Variants in FANCC observed in about 807,000 individuals in gnomAD.
The protein encoded by FANCC is FA complementation group C.
Under a neutral mutation model 71.3 loss-of-function variants are expected in FANCC, and 55 were observed. The ratio of observed to expected loss-of-function variants is 0.77; its 90% CI spans 0.62 to 0.97. The LOEUF (loss-of-function observed/expected upper bound fraction) is 0.97. Ranked by LOEUF, FANCC falls within the 50% of genes least tolerant of loss-of-function variation. The pLI is 0.00. For missense variants in FANCC, 678 were observed against 670.9 expected, an observed-to-expected ratio of 1.01 and a Z score of -0.12; for synonymous variants, 275 against 244.9, an observed-to-expected ratio of 1.12 and a Z score of -1.15.
chr9:95,151,337 A>C (rs912979022), intron 6 of FANCC, among the ~76,000 whole-genome samples: 3 of 152,030 alleles, frequency 2.0e-5, no homozygotes, highest in Admixed American at 2.0e-4. Context: ...GTGAATGATA[A>C]ATAAAATGAA....
At chr9:95,234,136 G>A (rs1224664012) in intron 4 of FANCC, among the ~76,000 whole-genome samples, 4 of 152,108 alleles carry the variant, frequency 2.6e-5, no homozygotes, top group African/African-American at 9.7e-5. Flanking sequence ...AAGAGAACTG[G>A]GAAATGGTAG....
intron 6 of FANCC, among the ~76,000 whole-genome samples, chr9:95,160,124 T>C (rs553203833): frequency 1.1e-4 from 16 of 152,360 alleles, no homozygotes; most frequent in African/African-American, 3.4e-4. Flanking sequence ...CTGAATGGTA[T>C]TGCCTAGATT....
At chr9:95,311,233 C>CAAAAAAA (rs10710492) in intron 1 of FANCC, among the ~76,000 whole-genome samples, 1 of 76,030 alleles carries the variant, frequency 1.3e-5, no homozygotes, top group African/African-American at 5.1e-5. Context: ...GATTCCGTCT[C>CAAAAAAA]AAAAAAAAAA....
chr9:95,306,504 C>T (rs1277731951), intron 1 of FANCC, among the ~76,000 whole-genome samples: 1 of 152,188 alleles, frequency 6.6e-6, no homozygotes, highest in East Asian at 1.9e-4. Flanking sequence ...CCTTGGACAT[C>T]GAACTACTGG....
chr9:95,247,508 A>G lies in FANCC; in HGVS notation c.174T>C (p.Asn58=). The change falls in exon 3 of 15, where the codon AAT becomes AAC. Residue 58 remains asparagine, a synonymous_variant. Transcript: ENST00000289081. ...TTGTGGGGAATCTTTCAATGACTGT[A>G]TTAGAATCCTGTGAAAGAAAAATAA... ...MYEALKEMDS[N]TVIERFPTIG... 1 of 1,612,518 alleles carries G rather than the reference A, an allele frequency of 6.2e-7. No homozygotes were observed. The highest frequency in any genetic ancestry group is 8.5e-7 in the Non-Finnish European group (1 of 1,178,704).
At chr9:95,155,295 G>A (rs1354989772) in intron 6 of FANCC, among the ~76,000 whole-genome samples, 2 of 77,732 alleles carry the variant, frequency 2.6e-5, no homozygotes, top group Non-Finnish European at 5.2e-5. Context: ...GGAAGGGGAC[G>A]GAAGGGGAGA....
At chr9:95,271,719 C>CA (rs1832732765) in intron 1 of FANCC, among the ~76,000 whole-genome samples, 1 of 147,654 alleles carries the variant, frequency 6.8e-6, no homozygotes. Context: ...TTACATCTTG[C>CA]TTTTTTTTTT....
intron 14 of FANCC, among the ~76,000 whole-genome samples, chr9:95,105,182 T>G (rs2071350068): frequency 6.6e-6 from 1 of 152,200 alleles, no homozygotes; most frequent in Admixed American, 6.5e-5. Flanking sequence ...AGGCACAGCC[T>G]GGGCCCACTC....
intron 1 of FANCC, among the ~76,000 whole-genome samples, chr9:95,281,005 A>G: frequency 6.6e-6 from 1 of 152,156 alleles, no homozygotes. Flanking sequence ...ATACGTAACT[A>G]AAGGTGAAAA....
At chr9:95,179,757 A>G (rs1196142160) in intron 4 of FANCC, among the ~76,000 whole-genome samples, 1 of 152,242 alleles carries the variant, frequency 6.6e-6, no homozygotes, top group African/African-American at 2.4e-5. Flanking sequence ...TATAAAAATA[A>G]AAAAATAAAG....
At chr9:95,281,711 A>C (rs570735049) in intron 1 of FANCC, among the ~76,000 whole-genome samples, 1 of 152,278 alleles carries the variant, frequency 6.6e-6, no homozygotes, top group East Asian at 1.9e-4. Context: ...ACAATTAAAA[A>C]TAATAGCTAC....
chr9:95,129,254 A>G (rs540299747), intron 8 of FANCC, among the ~76,000 whole-genome samples: 8 of 152,202 alleles, frequency 5.3e-5, no homozygotes, highest in African/African-American at 1.9e-4. Flanking sequence ...TTTTGAGCAC[A>G]TAATTTCAGG....
chr9:95,143,387 G>A (rs780798836), intron 7 of FANCC, among the ~76,000 whole-genome samples: 5 of 152,146 alleles, frequency 3.3e-5, no homozygotes, highest in Non-Finnish European at 7.3e-5. Flanking sequence ...GAACTCTGGG[G>A]GTCAGGTGTG....
chr9:95,126,303 G>A (rs1825967962), intron 9 of FANCC, among the ~76,000 whole-genome samples: 1 of 152,098 alleles, frequency 6.6e-6, no homozygotes, highest in African/African-American at 2.4e-5. Flanking sequence ...ATCTTAAAAG[G>A]CTAAAGAAAA....
intron 1 of FANCC, among the ~76,000 whole-genome samples, chr9:95,261,237 A>G (rs556714674): frequency 6.6e-6 from 1 of 152,240 alleles, no homozygotes; most frequent in Non-Finnish European, 1.5e-5. Context: ...CTTTTTTCAC[A>G]GATGTACTAC....
intron 12 of FANCC, among the ~76,000 whole-genome samples, chr9:95,112,971 C>T (rs4647531): frequency 0.011 from 1,608 of 152,314 alleles, 28 homozygotes; most frequent in African/African-American, 0.037. Context: ...AAGAGAAAAA[C>T]ACCCAGGGCA....
At chr9:95,292,198 G>A (rs1345229302) in intron 1 of FANCC, 7 of 158,940 alleles carry the variant, frequency 4.4e-5, no homozygotes, top group Non-Finnish European at 8.1e-5. Context: ...ACACACACTG[G>A]GGAAAGGACA....
At chr9:95,240,858 T>G in intron 3 of FANCC, 115 bp from the exon 4 acceptor site, 1 of 689,634 alleles carries the variant, frequency 1.5e-6, no homozygotes, top group East Asian at 2.7e-5. Context: ...AGAACAAGTA[T>G]CCCTGAATAT....
intron 4 of FANCC, among the ~76,000 whole-genome samples, chr9:95,181,285 A>G (rs922339494): frequency 2.6e-5 from 4 of 152,156 alleles, no homozygotes; most frequent in Admixed American, 6.5e-5. Context: ...CCTGAATAAA[A>G]TAAGTGTTAA....
Sources: allele counts gnomAD v4.1 joint callset (sites outside exome capture counted in the v4.1 genomes callset), GRCh38; gene constraint gnomAD v4.1.1; transcripts MANE v1.5; gene names NCBI Gene and HGNC (gene_info 2026-07-23, HGNC 2026-07-21).